Variants in LGALS9 observed in about 807,000 individuals in gnomAD.
The protein encoded by LGALS9 is galectin-9.
A neutral mutation model predicts 35.9 loss-of-function variants in LGALS9; 26 were observed. That is an observed-to-expected ratio of 0.72 (90% CI 0.53 to 1.01). The LOEUF (loss-of-function observed/expected upper bound fraction) is 1.01. Ranked by LOEUF, LGALS9 falls within the 50% of genes least tolerant of loss-of-function variation. LGALS9 has a pLI of 0.00. For missense variants in LGALS9, 347 were observed against 445.8 expected, an observed-to-expected ratio of 0.78 and a Z score of 1.99; for synonymous variants, 149 against 172.2, an observed-to-expected ratio of 0.87 and a Z score of 1.06.
Position 27,648,753 on chromosome 17 carries a change from G to A in LGALS9, c.922-83G>A. On this transcript the variant is annotated intron_variant, in intron 10 of 10. Transcript: ENST00000395473. ...TTATTAACAACTGAGGAGGGAGGGA[G>A]GGTGGGAGGGAGGGAGAGAGGAGGC... The A allele has an allele frequency of 6.2e-6, 10 of 1,601,516 alleles. No individual in the cohort carries two copies. In the South Asian group the frequency reaches 1.1e-4, roughly 18 times the overall value.
At position 27,632,908 on chromosome 17, in the gene LGALS9, G is replaced by C. The variant is rs921875445; in HGVS notation, c.39+1604G>C. On this transcript the variant is annotated intron_variant, in intron 1 of 10. Coordinates refer to ENST00000395473, the MANE Select transcript of LGALS9 (RefSeq NM_009587.3). Reference sequence around the variant, plus strand: ...CACGCTTCCTCCACATGCCGACAGTGGGGGAAGGTCACGCGGTTCGCTGTC... The same window carrying C: ...CACGCTTCCTCCACATGCCGACAGTCGGGGAAGGTCACGCGGTTCGCTGTC... Among the ~76,000 whole-genome samples, 101 of 152,328 alleles carry C rather than the reference G, an allele frequency of 6.6e-4. 1 individual carries two copies. The highest frequency in any genetic ancestry group is 2.2e-3 in the African/African-American group (93 of 41,574).
At chr17:27,631,845 G>A (rs1211281352) in intron 1 of LGALS9, among the ~76,000 whole-genome samples, 2 of 152,004 alleles carry the variant, frequency 1.3e-5, no homozygotes, top group Non-Finnish European at 2.9e-5. Context: ...CACTGTAGGT[G>A]CTTTGGGAGT....
chr17:27,631,601 T>C (rs1440490557), intron 1 of LGALS9, among the ~76,000 whole-genome samples: 1 of 152,050 alleles, frequency 6.6e-6, no homozygotes, highest in East Asian at 1.9e-4. Flanking sequence ...GGGTGGTTCA[T>C]GTAAAGAGGA....
rs1173133719 is a variant in LGALS9, at chr17:27,643,515, G to A, written c.445-10G>A. ...TTCTCCTCACTGCCCGGTGCCTTTT[G>A]TTTTAACAGAACCCCCGCACAGTCC... On this transcript the variant is annotated splice_polypyrimidine_tract_variant and intron_variant, in intron 4 of 10. Transcript: ENST00000395473. The A allele has an allele frequency of 1.2e-6, 2 of 1,611,708 alleles. No homozygotes were observed. Among genetic ancestry groups the A allele is most frequent in the East Asian group, 2.2e-5 (1 of 44,872 alleles).
Position 27,649,186 on chromosome 17 carries a change from G to T in LGALS9, c.*204G>T. 3.9e-6 allele frequency: 3 copies of T among 763,940 alleles called. No individual in the cohort carries two copies. Among genetic ancestry groups the T allele is most frequent in the Non-Finnish European group, 6.3e-6 (3 of 474,424 alleles). The allele number at this position is 763,940 out of a possible 1,614,324, so 47.3% of individuals were successfully genotyped here. ...CTGACGGGGATTGCCTTCCTCAGCC[G>T]CAGCAGCACCTGGGGCTCCAGCTGC... On this transcript the variant is annotated 3_prime_UTR_variant, in exon 11 of 11. Transcript: ENST00000395473.
At chr17:27,638,041 T>A (rs1255959217) in intron 1 of LGALS9, among the ~76,000 whole-genome samples, 1 of 152,176 alleles carries the variant, frequency 6.6e-6, no homozygotes, top group African/African-American at 2.4e-5. Context: ...AGGCTTCTCC[T>A]TATCACAAGC....
At position 27,649,117 on chromosome 17, in the gene LGALS9, T is replaced by G. The variant is rs1249565526; in HGVS notation, c.*135T>G. ...TTAATGCAGAGGCCATGTCCTTGTC[T>G]GGTCCTGCTTCTGGCTACAGCCACC... On this transcript the variant is annotated 3_prime_UTR_variant, in exon 11 of 11. Coordinates refer to ENST00000395473, the MANE Select transcript of LGALS9 (RefSeq NM_009587.3). 7.1e-7 allele frequency: 1 copy of G among 1,401,478 alleles called. No homozygotes were observed. The highest frequency in any genetic ancestry group is 1.4e-5 in the African/African-American group (1 of 69,952). 86.8% of individuals were successfully genotyped at this position (1,401,478 alleles called of 1,614,324 possible).
intron 10 of LGALS9, among the ~76,000 whole-genome samples, chr17:27,647,907 G>A (rs562370615): frequency 1.3e-5 from 2 of 152,368 alleles, no homozygotes; most frequent in East Asian, 1.9e-4. Flanking sequence ...ACAGTGCCAC[G>A]CACAAAGCAA....
At chr17:27,639,599 A>G (rs1904329244) in intron 2 of LGALS9, among the ~76,000 whole-genome samples, 1 of 151,914 alleles carries the variant, frequency 6.6e-6, no homozygotes, top group Non-Finnish European at 1.5e-5. Flanking sequence ...TGAGACAGGG[A>G]CTTTCTTTCA....
intron 1 of LGALS9, among the ~76,000 whole-genome samples, chr17:27,632,633 G>A (rs1452387362): frequency 1.3e-5 from 2 of 152,200 alleles, no homozygotes; most frequent in Non-Finnish European, 2.9e-5. Context: ...GTCAAAGAGG[G>A]GATCCCAGAG....
chr17:27,643,921 C>G (rs1477991280), intron 5 of LGALS9: 1 of 366,908 alleles, frequency 2.7e-6, no homozygotes, highest in Non-Finnish European at 4.9e-6. Flanking sequence ...GTTCCCCACC[C>G]CCTACACCCA....
intron 4 of LGALS9, among the ~76,000 whole-genome samples, chr17:27,642,595 T>C (rs1159143719): frequency 1.3e-5 from 2 of 152,018 alleles, no homozygotes; most frequent in East Asian, 3.9e-4. Context: ...CCCCTTTCTC[T>C]TCATCCCTCA....
chr17:27,646,795 A>T (rs912423281), intron 8 of LGALS9, among the ~76,000 whole-genome samples: 4 of 152,176 alleles, frequency 2.6e-5, no homozygotes, highest in Admixed American at 6.5e-5. Flanking sequence ...AGCACATTGC[A>T]TGTCCCTCCC....
chr17:27,647,457 G>A, intron 10 of LGALS9, 25 bp downstream of exon 10: 1 of 1,613,886 alleles, frequency 6.2e-7, no homozygotes, highest in South Asian at 1.1e-5. Flanking sequence ...TCTGGAGCTT[G>A]GAGAGGCTCC....
intron 1 of LGALS9, among the ~76,000 whole-genome samples, chr17:27,634,776 C>T (rs1189630463): frequency 6.6e-6 from 1 of 152,170 alleles, no homozygotes; most frequent in Non-Finnish European, 1.5e-5. Flanking sequence ...AAAGTCCCTT[C>T]TACAACATAT....
At chr17:27,631,648 G>A (rs1196612097) in intron 1 of LGALS9, among the ~76,000 whole-genome samples, 1 of 152,150 alleles carries the variant, frequency 6.6e-6, no homozygotes, top group Non-Finnish European at 1.5e-5. Context: ...GACGCTACCC[G>A]GCATGGTAGT....
chr17:27,647,526 G>A lies in LGALS9; in HGVS notation c.921+94G>A, dbSNP rs1004140009. 1.5e-5 allele frequency: 22 copies of A among 1,516,106 alleles called. No homozygotes were observed. In the African/African-American group the frequency reaches 3.1e-4, roughly 21 times the overall value. The allele number at this position is 1,516,106 out of a possible 1,614,324, so 93.9% of individuals were successfully genotyped here. On this transcript the variant is annotated intron_variant, in intron 10 of 10. Coordinates refer to ENST00000395473, the MANE Select transcript of LGALS9 (RefSeq NM_009587.3). Reference sequence around the variant, plus strand: ...TTGAGGTACCTTGAACAGTATGGGGGCTGATTCCTCTGGGATGAAGGCCCA... The same window carrying A: ...TTGAGGTACCTTGAACAGTATGGGGACTGATTCCTCTGGGATGAAGGCCCA...
chr17:27,636,200 A>G (rs377371347), intron 1 of LGALS9, among the ~76,000 whole-genome samples: 5 of 152,206 alleles, frequency 3.3e-5, no homozygotes, highest in Non-Finnish European at 5.9e-5. Flanking sequence ...AAGCAGTGGC[A>G]AGTAGGCTGA....
intron 8 of LGALS9, 66 bp downstream of exon 8, chr17:27,646,654 C>T: frequency 6.2e-7 from 1 of 1,609,008 alleles, no homozygotes; most frequent in African/African-American, 1.3e-5. Context: ...TGAAGGGCCG[C>T]TGTGGGGGGA....
Sources: allele counts gnomAD v4.1 joint callset (sites outside exome capture counted in the v4.1 genomes callset), GRCh38; gene constraint gnomAD v4.1.1; transcripts MANE v1.5; gene names NCBI Gene and HGNC (gene_info 2026-07-23, HGNC 2026-07-21).